The following TAB3 variants were observed in gnomAD, a reference collection of about 807,000 sequenced individuals.
TAB3 encodes TGF-beta-activated kinase 1 and MAP3K7-binding protein 3.
TAB3 carries 18 observed loss-of-function variants against 48.1 expected under a neutral mutation model. The ratio of observed to expected loss-of-function variants is 0.37; its 90% confidence interval spans 0.26 to 0.55. The LOEUF is 0.55. Among genes scored for constraint, TAB3 ranks in the 20% least tolerant of loss-of-function variants. The pLI is 0.78. For missense variants in TAB3, 414 were observed against 549.8 expected (o/e 0.75, Z 2.47); for synonymous variants, 185 against 190.2 (o/e 0.97, Z 0.22).
At chrX:30,853,087 C>T (rs1008068067) in intron 6 of TAB3, 149 bp from the exon 7 acceptor site, 2 of 541,745 alleles carry the variant, frequency 3.7e-6, no homozygotes, top group Non-Finnish European at 5.8e-6. Context: ...GCTGCCTCCA[C>T]ATCTGCTTCA....
At position 30,855,448 on chromosome X, in the gene TAB3, G is replaced by A. The variant is rs759451173; in HGVS notation, c.217C>T (p.His73Tyr). ...DNRMNRNRLLHINLGIHSPSS... is the reference protein window; with the variant it reads ...DNRMNRNRLLYINLGIHSPSS... ...GGAGAATGGATACCCAGGTTAATAT[G>A]TAAAAGGCGATTTCTATTCATCCTA... Residue 73 changes from histidine to tyrosine, a missense_variant, in exon 6 of 11, where the codon CAT becomes TAT. Transcript: ENST00000288422. 1.7e-6 allele frequency: 2 copies of A among 1,211,490 alleles called. No homozygotes were observed. The highest frequency in any genetic ancestry group is 3.0e-5 in the East Asian group (1 of 33,843).
At position 30,854,180 on chromosome X, in the gene TAB3, T is replaced by C; in HGVS notation, c.1485A>G (p.Glu495=). The C allele has an allele frequency of 4.1e-6, 5 of 1,210,830 alleles. No homozygotes were observed. Among genetic ancestry groups the C allele is most frequent in the Non-Finnish European group, 5.6e-6 (5 of 895,182 alleles). Residue 495 remains glutamate (E), a synonymous_variant, in exon 6 of 11, where the codon GAA becomes GAG. Transcript: ENST00000288422. ...PISVIPGSGG[E]KGSHKYQRSS... ...TTCTCTGATATTTATGGCTTCCCTT[T>C]TCTCCCCCAGAGCCTGGTATCACTG...
At chrX:30,850,228 T>C (rs1216947433) in intron 7 of TAB3, among the ~76,000 whole-genome samples, 1 of 111,951 alleles carries the variant, frequency 8.9e-6, no homozygotes, top group African/African-American at 3.3e-5. Flanking sequence ...TGGAAACACA[T>C]GGGAAACACT....
At position 30,832,973 on chromosome X, in the gene TAB3, C is replaced by CTT. The variant is rs771088514; in HGVS notation, c.1990+1076_1990+1077dup. Reference sequence around the variant, plus strand: ...GTTTACTATGCCATTTTCTTTCTTTCTTTTTTTTTTTTTTTGAGACGGAGT... The same window carrying CTT: ...GTTTACTATGCCATTTTCTTTCTTTCTTTTTTTTTTTTTTTTTGAGACGGAGT... On this transcript the variant is annotated intron_variant, in intron 10 of 10. Coordinates refer to ENST00000288422, the MANE Select transcript of TAB3 (RefSeq NM_152787.5). Among the ~76,000 whole-genome samples the CTT allele has an allele frequency of 7.9e-3, 774 of 97,882 alleles. 9 individuals are homozygous for CTT. The highest frequency in any genetic ancestry group is 0.028 in the African/African-American group (727 of 26,014). The allele number at this position is 97,882 out of a possible 115,157, so 85.0% of individuals were successfully genotyped here. A position where few individuals can be genotyped will look rare whatever the true frequency, so the allele number is the denominator to read the frequency against.
Position 30,834,034 on chromosome X carries a change from GAC to G in TAB3, c.1990+15_1990+16del. On this transcript the variant is annotated intron_variant, in intron 10 of 10. Transcript: ENST00000288422. Reference sequence around the variant, plus strand: ...CTTTGGACATTCTGCACAAACTCTGGACACACAAGTACAAACCATCTGCAGCT... The same window carrying G: ...CTTTGGACATTCTGCACAAACTCTGGACACAAGTACAAACCATCTGCAGCT... 8.4e-7 allele frequency: 1 copy of G among 1,193,030 alleles called. No homozygotes were observed. Among genetic ancestry groups the G allele is most frequent in the Non-Finnish European group, 1.1e-6 (1 of 879,170 alleles).
At chrX:30,865,255 T>C (rs1340813731) in intron 4 of TAB3, among the ~76,000 whole-genome samples, 1 of 112,314 alleles carries the variant, frequency 8.9e-6, no homozygotes, top group African/African-American at 3.2e-5. Context: ...AGAGAGGCAA[T>C]ACTTTCTTGG....
intron 1 of TAB3, among the ~76,000 whole-genome samples, chrX:30,877,162 C>A (rs187688055): frequency 3.9e-3 from 440 of 111,903 alleles, no homozygotes; most frequent in Middle Eastern, 0.014. Context: ...TTTTCAACAA[C>A]AAAAATGGCA....
chrX:30,843,125 T>C, intron 8 of TAB3, 76 bp from the exon 9 acceptor site: 2 of 585,942 alleles, frequency 3.4e-6, no homozygotes, highest in East Asian at 3.8e-5. Context: ...AAAGAAAATA[T>C]GTAAATAAAA....
chrX:30,859,648 A>G lies in TAB3; in HGVS notation c.-60T>C. 1.3e-6 allele frequency: 1 copy of G among 772,400 alleles called. No homozygotes were observed. The highest frequency in any genetic ancestry group is 2.4e-5 in the South Asian group (1 of 41,537). The allele number at this position is 772,400 out of a possible 1,213,427, so 63.7% of individuals were successfully genotyped here. On this transcript the variant is annotated 5_prime_UTR_variant, in exon 5 of 11. Transcript: ENST00000288422. ...AATGGATGTTAACCGGCTTTCCAAA[A>G]GTAATGATCTTCTAGCACCACAGTC...
At chrX:30,849,856 T>G (rs1938772282) in intron 7 of TAB3, among the ~76,000 whole-genome samples, 1 of 112,222 alleles carries the variant, frequency 8.9e-6, no homozygotes, top group Admixed American at 9.4e-5. Context: ...TCAAAGGAAG[T>G]CAAAGTATAA....
At chrX:30,886,712 G>T (rs1168404762) in intron 1 of TAB3, among the ~76,000 whole-genome samples, 1 of 112,655 alleles carries the variant, frequency 8.9e-6, no homozygotes, top group Non-Finnish European at 1.9e-5. Flanking sequence ...TAAGTGACTT[G>T]GTGGAGGATG....
intron 7 of TAB3, among the ~76,000 whole-genome samples, chrX:30,852,122 G>A (rs867451968): frequency 4.9e-4 from 55 of 112,521 alleles, no homozygotes; most frequent in African/African-American, 1.7e-3. Context: ...CGCTTGTGAA[G>A]TCACAAGATT....
At chrX:30,880,106 A>G (rs1281225899) in intron 1 of TAB3, among the ~76,000 whole-genome samples, 1 of 111,792 alleles carries the variant, frequency 8.9e-6, no homozygotes, top group Non-Finnish European at 1.9e-5. Flanking sequence ...ATTCTTCCCA[A>G]ATTGCTCTCT....
chrX:30,848,897 T>C (rs138681542), intron 7 of TAB3, among the ~76,000 whole-genome samples: 426 of 107,282 alleles, frequency 4.0e-3, no homozygotes, highest in Middle Eastern at 0.015. Context: ...AGCTGTGGGA[T>C]AGTCCAAAAA....
At chrX:30,843,225 GAA>G in intron 8 of TAB3, 176 bp from the exon 9 acceptor site, 1 of 384,846 alleles carries the variant, frequency 2.6e-6, no homozygotes, top group East Asian at 4.3e-5. Flanking sequence ...ATCGCTGTGA[GAA>G]AAGACCCAAG....
intron 1 of TAB3, among the ~76,000 whole-genome samples, chrX:30,883,958 C>T (rs955008907): frequency 1.8e-5 from 2 of 111,267 alleles, no homozygotes; most frequent in African/African-American, 6.6e-5. Flanking sequence ...TTAATAAAGA[C>T]GTTGCAATTA....
chrX:30,847,788 A>G (rs1266993593), intron 7 of TAB3, among the ~76,000 whole-genome samples: 3 of 111,690 alleles, frequency 2.7e-5, no homozygotes, highest in Non-Finnish European at 3.8e-5. Flanking sequence ...AGCTATTATC[A>G]GAGTAACTGA....
In TAB3 at chrX:30,831,563, C is replaced by T; in HGVS notation, c.2003G>A (p.Gly668Asp). 8.3e-7 allele frequency: 1 copy of T among 1,210,409 alleles called. No homozygotes were observed. The highest frequency in any genetic ancestry group is 1.7e-5 in the African/African-American group (1 of 57,557). Residue 668 changes from glycine (G) to aspartate (D), a missense_variant, in exon 11 of 11, where the codon GGC (glycine) becomes GAC (aspartate). Gly to Asp is a moderately conservative substitution (Grantham distance 94, BLOSUM62 -1). Transcript: ENST00000288422. ...TTGTGTCCGAGGACTTTGTGTGGAG[C>T]CAGTTCGATGCTCTGAGGGAGGTTA... ...QAAAADEHRT[G>D]STQSPRTQPR...
intron 2 of TAB3, among the ~76,000 whole-genome samples, chrX:30,868,530 T>G (rs1165789262): frequency 5.6e-4 from 2 of 3,578 alleles, no homozygotes; most frequent in Non-Finnish European, 8.5e-4. Context: ...TATATATATA[T>G]ATATAGCTTA....
Sources: allele counts gnomAD v4.1 joint callset (sites outside exome capture counted in the v4.1 genomes callset), GRCh38; gene constraint gnomAD v4.1.1; transcripts MANE v1.5; gene names NCBI Gene and HGNC (gene_info 2026-07-23, HGNC 2026-07-21).